The following TMEM135 variants were observed in gnomAD, a reference collection of about 807,000 sequenced individuals.
TMEM135 encodes transmembrane protein 135.
Under a neutral mutation model 60.3 loss-of-function variants are expected in TMEM135, and 30 were observed. That is an observed-to-expected ratio of 0.50 (90% CI 0.37 to 0.68). The LOEUF (loss-of-function observed/expected upper bound fraction) is 0.68. TMEM135 is among the 30% of genes least tolerant of loss of function. The pLI, the probability that TMEM135 is intolerant of heterozygous loss-of-function variation, is 0.00. For missense variants in TMEM135, 468 were observed against 548.8 expected, an observed-to-expected ratio of 0.85 and a Z score of 1.47; for synonymous variants, 190 against 186.7, an observed-to-expected ratio of 1.02 and a Z score of -0.14.
At chr11:87,214,666 C>G (rs1359652984) in intron 5 of TMEM135, among the ~76,000 whole-genome samples, 1 of 151,410 alleles carries the variant, frequency 6.6e-6, no homozygotes, top group Non-Finnish European at 1.5e-5. Flanking sequence ...TGGTTTTATT[C>G]TGAGTATTTA....
At chr11:87,144,709 A>AGTGTGTGTGTGTGTGTGT in intron 4 of TMEM135, among the ~76,000 whole-genome samples, 1 of 147,134 alleles carries the variant, frequency 6.8e-6, no homozygotes, top group South Asian at 2.2e-4. Flanking sequence ...TGTGTGTGAA[A>AGTGTGTGTGTGTGTGTGT]GTGTGTGTGT....
rs1942912064 is a variant in TMEM135 at position 87,326,297 on chromosome 11, TAAAGTAGA to T, written c.*4965_*4972del. On this transcript the variant is annotated 3_prime_UTR_variant, in exon 15 of 15. Coordinates refer to ENST00000305494, the MANE Select transcript of TMEM135 (RefSeq NM_022918.4). ...CTGTCTTGAGAGATTCAGGCTTCCA[TAAAGTAGA>T]CCTGTAGACCTATGTTGGCTGAGGT... is the stretch of plus-strand genomic sequence containing the variant. 2.2e-6 allele frequency: 1 copy of T among 454,088 alleles called. No individual in the cohort carries two copies. The highest frequency in any genetic ancestry group is 4.4e-6 in the Non-Finnish European group (1 of 226,780). The allele number at this position is 454,088 out of a possible 1,614,324, so 28.1% of individuals were successfully genotyped here.
intron 2 of TMEM135, among the ~76,000 whole-genome samples, chr11:87,068,846 T>C (rs555401469): frequency 3.2e-4 from 48 of 151,868 alleles, no homozygotes; most frequent in Non-Finnish European, 5.0e-4. Flanking sequence ...CAAATGTCTT[T>C]CACAGATTTT....
chr11:87,171,001 G>A (rs492896), intron 5 of TMEM135, among the ~76,000 whole-genome samples: 55,878 of 151,822 alleles, frequency 0.37, 10,812 homozygotes, highest in East Asian at 0.67. Flanking sequence ...AGAGCAAAGG[G>A]GGTACATCTT....
chr11:87,251,610 C>G (rs938868492), intron 6 of TMEM135, among the ~76,000 whole-genome samples: 14 of 151,632 alleles, frequency 9.2e-5, no homozygotes, highest in African/African-American at 3.1e-4. Context: ...ATTATGTTAC[C>G]ATATATACAT....
intron 5 of TMEM135, among the ~76,000 whole-genome samples, chr11:87,207,516 C>T (rs796996017): frequency 1.4e-4 from 21 of 152,214 alleles, no homozygotes; most frequent in African/African-American, 5.1e-4. Flanking sequence ...TAATTGAAAG[C>T]ATAAAATTTC....
intron 11 of TMEM135, 23 bp from the exon 12 acceptor site, chr11:87,314,448 T>C (rs769793327): frequency 6.3e-7 from 1 of 1,575,660 alleles, no homozygotes; most frequent in South Asian, 1.1e-5. Context: ...ATCTTATCAG[T>C]TATTTCTTAT....
intron 5 of TMEM135, among the ~76,000 whole-genome samples, chr11:87,168,031 G>T (rs996903029): frequency 6.6e-6 from 1 of 152,150 alleles, no homozygotes; most frequent in Admixed American, 6.5e-5. Context: ...TCCTGGTTTA[G>T]TCTTGGGAGG....
chr11:87,088,139 G>A lies in TMEM135; in HGVS notation c.363-3223G>A, dbSNP rs550069611. On this transcript the variant is annotated intron_variant, in intron 3 of 14. Transcript: ENST00000305494. ...CTTCTTGAGGTGTCAAGATAACTTG[G>A]GGCTCCTGGACCTGATAGAAAGTGA... Among the ~76,000 whole-genome samples the A allele has an allele frequency of 6.8e-4, 103 of 152,092 alleles. 1 individual carries two copies. Among genetic ancestry groups the A allele is most frequent in the South Asian group, 3.7e-3 (18 of 4,808 alleles).
intron 4 of TMEM135, among the ~76,000 whole-genome samples, chr11:87,157,103 C>G (rs1206384248): frequency 6.8e-6 from 1 of 146,220 alleles, no homozygotes; most frequent in Admixed American, 6.9e-5. Context: ...CAGGGTCTCA[C>G]TCTGTCATCT....
At chr11:87,269,309 T>C (rs2135409066) in intron 6 of TMEM135, among the ~76,000 whole-genome samples, 1 of 148,932 alleles carries the variant, frequency 6.7e-6, no homozygotes, top group African/African-American at 2.5e-5. Context: ...TGAGGAAGCT[T>C]TTTTTTTTGT....
intron 4 of TMEM135, among the ~76,000 whole-genome samples, chr11:87,114,568 T>C (rs1023217182): frequency 6.6e-6 from 1 of 152,222 alleles, no homozygotes; most frequent in Non-Finnish European, 1.5e-5. Context: ...AGTACAGTTT[T>C]AGTTCCTGTC....
At chr11:87,286,130 A>G (rs1459411993) in intron 6 of TMEM135, among the ~76,000 whole-genome samples, 1 of 152,160 alleles carries the variant, frequency 6.6e-6, no homozygotes. Flanking sequence ...TCCTTTAGCT[A>G]GACATAAAAG....
intron 1 of TMEM135, among the ~76,000 whole-genome samples, chr11:87,045,052 C>T (rs1017688938): frequency 4.6e-5 from 7 of 151,752 alleles, no homozygotes; most frequent in East Asian, 1.9e-4. Flanking sequence ...TTTTTTGAGA[C>T]GGAGTCTGGC....
intron 4 of TMEM135, among the ~76,000 whole-genome samples, chr11:87,127,798 AT>A (rs1422732842): frequency 6.6e-6 from 1 of 151,674 alleles, no homozygotes; most frequent in East Asian, 1.9e-4. Context: ...TGTTTTTATT[AT>A]TTTTTTCAGT....
chr11:87,288,092 A>T (rs1942201727), intron 6 of TMEM135, among the ~76,000 whole-genome samples: 1 of 152,218 alleles, frequency 6.6e-6, no homozygotes, highest in African/African-American at 2.4e-5. Context: ...TTCAATAGGT[A>T]GTCCACTACC....
chr11:87,280,321 A>G (rs1942037835), intron 6 of TMEM135, among the ~76,000 whole-genome samples: 1 of 152,240 alleles, frequency 6.6e-6, no homozygotes, highest in Admixed American at 6.5e-5. Flanking sequence ...TTTGTTAAAC[A>G]TAGGTCTGGT....
intron 4 of TMEM135, among the ~76,000 whole-genome samples, chr11:87,098,527 TAATCAG>T (rs1184623728): frequency 6.6e-6 from 1 of 152,150 alleles, no homozygotes; most frequent in East Asian, 1.9e-4. Flanking sequence ...CATGGTGTTG[TAATCAG>T]AATCCAGAAA....
chr11:87,311,024 C>T (rs1942632044), intron 10 of TMEM135, among the ~76,000 whole-genome samples: 1 of 150,960 alleles, frequency 6.6e-6, no homozygotes, highest in Admixed American at 6.6e-5. Context: ...TTTATTCATA[C>T]TTTATTTCTT....
Sources: allele counts gnomAD v4.1 joint callset (sites outside exome capture counted in the v4.1 genomes callset), GRCh38; gene constraint gnomAD v4.1.1; transcripts MANE v1.5; gene names NCBI Gene and HGNC (gene_info 2026-07-23, HGNC 2026-07-21).